Variants in KIAA1549 observed in about 807,000 individuals in gnomAD.
KIAA1549 encodes the protein UPF0606 protein KIAA1549.
KIAA1549 carries 70 observed loss-of-function variants against 156.4 expected under a neutral mutation model. The ratio of observed to expected loss-of-function variants is 0.45; its 90% CI spans 0.37 to 0.55. The LOEUF is 0.55. KIAA1549 is among the 20% of genes least tolerant of loss of function. The probability of loss-of-function intolerance (pLI) is 0.00; values close to 1 mark genes in which losing one functional copy is unlikely to be tolerated. For missense variants in KIAA1549, 2,428 were observed against 2,540.9 expected (o/e 0.96, Z 0.96); for synonymous variants, 1,103 against 1,066.4 (o/e 1.03, Z -0.67).
At position 138,981,013 on chromosome 7, in the gene KIAA1549, G is replaced by A; in HGVS notation, c.187+70C>T. 5 of 1,185,532 alleles carry A rather than the reference G, an allele frequency of 4.2e-6. No individual in the cohort carries two copies. Among genetic ancestry groups the A allele is most frequent in the Non-Finnish European group, 5.2e-6 (5 of 955,990 alleles). The allele number at this position is 1,185,532 out of a possible 1,614,324, so 73.4% of individuals were successfully genotyped here. A position where few individuals can be genotyped will look rare whatever the true frequency, so the allele number is the denominator to read the frequency against. ...AAGAGGATGGGCGGGGAAAGCCGGG[G>A]TTTTGAAAACAGCAGCGATAAAGGC... On this transcript the variant is annotated intron_variant, in intron 1 of 19. Transcript: ENST00000422774. The surrounding 1 kb of genome is among the most constrained non-coding windows in gnomAD (Gnocchi z 4.5).
chr7:138,838,010 C>T lies in KIAA1549; in HGVS notation c.5749G>A (p.Asp1917Asn), dbSNP rs1245655177. 6.2e-7 allele frequency: 1 copy of T among 1,611,560 alleles called. No individual in the cohort carries two copies. Among genetic ancestry groups the T allele is most frequent in the African/African-American group, 1.3e-5 (1 of 74,916 alleles). ...GCCGAGGAGTGGCCAGGCTGGAGGT[C>T]TTCCGTGGAGCTGGTGGGGTAACCC... ...GLGYPTSSTE[D>N]LQPGHSSASL... Residue 1917 changes from aspartate (D) to asparagine (N), a missense_variant, in exon 20 of 20, where the codon GAC becomes AAC. Coordinates refer to ENST00000422774, the MANE Select transcript of KIAA1549 (RefSeq NM_001164665.2).
At chr7:138,904,710 A>AT (rs1429739550) in intron 7 of KIAA1549, among the ~76,000 whole-genome samples, 1 of 152,036 alleles carries the variant, frequency 6.6e-6, no homozygotes, top group African/African-American at 2.4e-5. Flanking sequence ...AGAAAAAAAA[A>AT]AATAAAACAA....
intron 1 of KIAA1549, among the ~76,000 whole-genome samples, chr7:138,937,705 A>G (rs2718133): frequency 0.22 from 33,937 of 151,890 alleles, 6,408 homozygotes; most frequent in African/African-American, 0.52. Context: ...GAAATGGCTC[A>G]TACGAATGGT....
intron 4 of KIAA1549, among the ~76,000 whole-genome samples, chr7:138,909,532 T>C (rs1349769951): frequency 1.3e-5 from 2 of 152,174 alleles, no homozygotes; most frequent in Non-Finnish European, 2.9e-5. Flanking sequence ...TGAAACAAAA[T>C]TGGTGATGTT....
chr7:138,892,772 C>T (rs1811578269), intron 10 of KIAA1549, among the ~76,000 whole-genome samples: 2 of 151,748 alleles, frequency 1.3e-5, no homozygotes, highest in African/African-American at 2.4e-5. Context: ...TTTTTCCATT[C>T]GACAGGTCTA....
chr7:138,929,676 TTC>T (rs1032939502), intron 1 of KIAA1549, among the ~76,000 whole-genome samples: 2 of 152,114 alleles, frequency 1.3e-5, no homozygotes, highest in Admixed American at 1.3e-4. Context: ...TGAAATATAT[TTC>T]TTTTATCTTT....
chr7:138,872,873 C>T (rs1810979514), intron 12 of KIAA1549, among the ~76,000 whole-genome samples: 1 of 152,154 alleles, frequency 6.6e-6, no homozygotes, highest in Admixed American at 6.5e-5. Flanking sequence ...CTCTACATTC[C>T]AGCCTGGGTG....
chr7:138,868,230 C>T, intron 14 of KIAA1549, 102 bp from the exon 15 acceptor site: 1 of 1,090,224 alleles, frequency 9.2e-7, no homozygotes, highest in African/African-American at 1.5e-5. Flanking sequence ...ATGTGCTACC[C>T]CTGGAAACAC....
chr7:138,948,014 C>T (rs533273789), intron 1 of KIAA1549, among the ~76,000 whole-genome samples: 1 of 152,126 alleles, frequency 6.6e-6, no homozygotes, highest in African/African-American at 2.4e-5. Context: ...CCACCTGCCT[C>T]GGCCTCCCAA....
At chr7:138,949,719 G>A (rs1813438527) in intron 1 of KIAA1549, among the ~76,000 whole-genome samples, 2 of 152,186 alleles carry the variant, frequency 1.3e-5, no homozygotes, top group Non-Finnish European at 1.5e-5. Flanking sequence ...CCAAACAGTA[G>A]TGTGGCTTCA....
At chr7:138,951,268 G>A (rs1017626341) in intron 1 of KIAA1549, among the ~76,000 whole-genome samples, 1 of 152,074 alleles carries the variant, frequency 6.6e-6, no homozygotes, top group Non-Finnish European at 1.5e-5. Context: ...CCCGGACAGG[G>A]CATCACAGGA....
Position 138,946,871 on chromosome 7 carries a change from G to A in KIAA1549, c.188-27433C>T, listed in dbSNP as rs28522361. ...CAAATGCTCGCAGGCATTGCCCAGC[G>A]CCTCTGCAGGTGAGACTGCCCAACT... On this transcript the variant is annotated intron_variant, in intron 1 of 19. Coordinates refer to ENST00000422774, the MANE Select transcript of KIAA1549 (RefSeq NM_001164665.2). Among the ~76,000 whole-genome samples, 538 of 152,258 alleles carry A rather than the reference G, an allele frequency of 3.5e-3. 4 individuals are homozygous for A. The highest frequency in any genetic ancestry group is 0.012 in the African/African-American group (498 of 41,546).
chr7:138,899,209 G>T, intron 8 of KIAA1549, 77 bp from the exon 9 acceptor site: 1 of 1,307,218 alleles, frequency 7.6e-7, no homozygotes. Flanking sequence ...CTGAATCCTG[G>T]CTGTGTCACT....
intron 1 of KIAA1549, among the ~76,000 whole-genome samples, chr7:138,959,056 C>T (rs1453367013): frequency 6.6e-6 from 1 of 152,114 alleles, no homozygotes; most frequent in African/African-American, 2.4e-5. Flanking sequence ...CCCACCACCA[C>T]ACCTGGTTGA....
At chr7:138,888,016 C>T (rs1459947681) in intron 10 of KIAA1549, among the ~76,000 whole-genome samples, 3 of 152,182 alleles carry the variant, frequency 2.0e-5, no homozygotes, top group Admixed American at 6.5e-5. Context: ...CTCATTTCAT[C>T]CAGGGGACAA....
intron 17 of KIAA1549, among the ~76,000 whole-genome samples, chr7:138,849,469 G>A (rs1029684925): frequency 6.6e-6 from 1 of 151,654 alleles, no homozygotes; most frequent in African/African-American, 2.4e-5. Context: ...ATTTTAGGAT[G>A]TTTTGATTTC....
chr7:138,969,926 G>C (rs1385159209), intron 1 of KIAA1549, among the ~76,000 whole-genome samples: 4 of 152,066 alleles, frequency 2.6e-5, no homozygotes, highest in African/African-American at 7.2e-5. Context: ...TCACATCAAG[G>C]TAAATGGTGC....
chr7:138,930,986 A>C lies in KIAA1549; in HGVS notation c.188-11548T>G, dbSNP rs147644241. Among the ~76,000 whole-genome samples, 526 of 152,298 alleles carry C rather than the reference A, an allele frequency of 3.5e-3. 2 individuals are homozygous for C. The highest frequency in any genetic ancestry group is 0.012 in the African/African-American group (498 of 41,564). ...CCTCTCACTTGAGCACTTAGAGGCCACTGCAGAGTTATAAACTGGACTAAT... is the reference window on the plus strand; with the variant it reads ...CCTCTCACTTGAGCACTTAGAGGCCCCTGCAGAGTTATAAACTGGACTAAT... On this transcript the variant is annotated intron_variant, in intron 1 of 19. Transcript: ENST00000422774.
At chr7:138,963,358 T>C (rs188539347) in intron 1 of KIAA1549, among the ~76,000 whole-genome samples, 1 of 152,278 alleles carries the variant, frequency 6.6e-6, no homozygotes, top group Non-Finnish European at 1.5e-5. Flanking sequence ...TTGGAAACTT[T>C]CCACAGCACT....
Sources: allele counts gnomAD v4.1 joint callset (sites outside exome capture counted in the v4.1 genomes callset), GRCh38; gene constraint gnomAD v4.1.1; non-coding constraint Gnocchi (gnomAD v3.1); transcripts MANE v1.5; gene names NCBI Gene and HGNC (gene_info 2026-07-23, HGNC 2026-07-21).